Variants in DNAH11 observed in about 807,000 individuals in gnomAD.
The protein encoded by DNAH11 is dynein axonemal heavy chain 11, also known as axonemal beta dynein heavy chain 11.
In DNAH11, 442 loss-of-function variants were observed where a neutral mutation model predicts 526.0. The ratio of observed to expected loss-of-function variants is 0.84; its 90% CI spans 0.78 to 0.91. The LOEUF is 0.91. DNAH11 is among the 40% of genes least tolerant of loss of function. The probability of loss-of-function intolerance (pLI) is 0.00; values close to 1 mark genes in which losing one functional copy is unlikely to be tolerated. For synonymous variants in DNAH11, 2,461 were observed against 1,935.9 expected, an observed-to-expected ratio of 1.27 and a Z score of -7.12; for missense variants, 6,989 against 5,448.7, an observed-to-expected ratio of 1.28 and a Z score of -8.90.
chr7:21,597,803 C>G (rs1473921776), intron 14 of DNAH11, among the ~76,000 whole-genome samples: 2 of 152,174 alleles, frequency 1.3e-5, no homozygotes, highest in South Asian at 2.1e-4. Flanking sequence ...GGAGACTTAA[C>G]AAGATGGTCT....
chr7:21,686,807 T>C (rs1783395447), intron 32 of DNAH11, among the ~76,000 whole-genome samples: 1 of 152,202 alleles, frequency 6.6e-6, no homozygotes, highest in Non-Finnish European at 1.5e-5. Context: ...AGAAATTTAA[T>C]AGTGTTACAA....
At chr7:21,581,829 G>T in intron 8 of DNAH11, 76 bp from the exon 9 acceptor site, 1 of 873,130 alleles carries the variant, frequency 1.1e-6, no homozygotes. Flanking sequence ...GCTAAAGTAA[G>T]GTCACGCTTG....
intron 55 of DNAH11, among the ~76,000 whole-genome samples, chr7:21,772,530 G>T (rs1160389221): frequency 6.6e-6 from 1 of 151,682 alleles, no homozygotes; most frequent in East Asian, 1.9e-4. Context: ...AGTCTCCAAA[G>T]GATTATGATT....
chr7:21,762,999 TAAAATCTGA>T (rs535927171), intron 54 of DNAH11, among the ~76,000 whole-genome samples: 164 of 152,308 alleles, frequency 1.1e-3, no homozygotes, highest in African/African-American at 3.3e-3. Context: ...ATTCACATTT[TAAAATCTGA>T]TTTTAAAATG....
rs751757432 is a variant in DNAH11 at position 21,786,625 on chromosome 7, T to C, written c.9599T>C (p.Val3200Ala). 9 of 1,610,526 alleles carry C rather than the reference T, an allele frequency of 5.6e-6. No individual in the cohort carries two copies. Among genetic ancestry groups the C allele is most frequent in the Non-Finnish European group, 7.6e-6 (9 of 1,177,670 alleles). Residue 3200 changes from valine (V) to alanine (A), a missense_variant and splice_region_variant, in exon 59 of 82, where the codon GTC becomes GCC. Transcript: ENST00000409508. ...GTGTTTCTGTGTGCTTTTCTTCAGG[T>C]CAACCTCAGTGAGCTGAAAGCCTTT... ...ATAALNTLNR[V>A]NLSELKAFPN... is the part of the protein sequence containing the mutation.
At chr7:21,561,459 AT>A (rs1017307565) in intron 5 of DNAH11, 12 of 249,948 alleles carry the variant, frequency 4.8e-5, no homozygotes, top group African/African-American at 2.3e-4. Flanking sequence ...AAAAAAAAAA[AT>A]AAGTCTGGAT....
At chr7:21,713,692 T>A (rs563138399) in intron 42 of DNAH11, among the ~76,000 whole-genome samples, 13 of 152,280 alleles carry the variant, frequency 8.5e-5, no homozygotes, top group Admixed American at 6.5e-4. Context: ...GCCAGATGTC[T>A]AACTGATGTA....
intron 20 of DNAH11, among the ~76,000 whole-genome samples, chr7:21,610,932 T>C (rs940516070): frequency 6.6e-6 from 1 of 152,200 alleles, no homozygotes; most frequent in Non-Finnish European, 1.5e-5. Context: ...CAGAATATAG[T>C]CTGCAAGATA....
intron 30 of DNAH11, among the ~76,000 whole-genome samples, chr7:21,666,212 G>A (rs975846665): frequency 6.6e-5 from 10 of 151,928 alleles, no homozygotes; most frequent in Non-Finnish European, 1.0e-4. Flanking sequence ...TATTAGTATT[G>A]GGATTAAAGG....
chr7:21,605,761 G>T (rs985574516), intron 18 of DNAH11, among the ~76,000 whole-genome samples: 7 of 152,064 alleles, frequency 4.6e-5, no homozygotes, highest in Admixed American at 6.5e-5. Flanking sequence ...ATTTCTAGTT[G>T]TTAGAGATCA....
At chr7:21,553,070 A>ATTTTTTTTTTTTTTTTTTTTTTTTTTTTT (rs35121910) in intron 2 of DNAH11, among the ~76,000 whole-genome samples, 1 of 66,784 alleles carries the variant, frequency 1.5e-5, no homozygotes, top group African/African-American at 7.3e-5. Context: ...TATAAATGGG[A>ATTTTTTTTTTTTTTTTTTTTTTTTTTTTT]TTTTTTTTTT....
chr7:21,663,714 A>G (rs757625652), intron 30 of DNAH11, among the ~76,000 whole-genome samples: 6 of 150,632 alleles, frequency 4.0e-5, no homozygotes, highest in Admixed American at 6.6e-5. Context: ...GCTTATTTCA[A>G]TTCACATAAT....
intron 54 of DNAH11, among the ~76,000 whole-genome samples, chr7:21,758,573 A>C (rs896089924): frequency 5.3e-5 from 8 of 152,306 alleles, no homozygotes; most frequent in African/African-American, 1.7e-4. Flanking sequence ...CAAAAAGTAA[A>C]ATCACAACGA....
chr7:21,655,212 A>G (rs898299984), intron 28 of DNAH11, among the ~76,000 whole-genome samples: 6 of 152,140 alleles, frequency 3.9e-5, no homozygotes, highest in Non-Finnish European at 8.8e-5. Context: ...CTGGAATTAT[A>G]GGTTCATTGT....
chr7:21,782,536 T>C (rs1488489146), intron 57 of DNAH11, among the ~76,000 whole-genome samples: 2 of 152,248 alleles, frequency 1.3e-5, no homozygotes, highest in African/African-American at 4.8e-5. Flanking sequence ...AAGATTGTTT[T>C]GTTTATAAAA....
At chr7:21,663,629 G>A (rs966948684) in intron 30 of DNAH11, among the ~76,000 whole-genome samples, 4 of 151,850 alleles carry the variant, frequency 2.6e-5, no homozygotes, top group African/African-American at 9.7e-5. Flanking sequence ...TTTGAAAAAT[G>A]TTTATTCATG....
chr7:21,725,842 G>C lies in DNAH11; in HGVS notation c.7298G>C (p.Trp2433Ser). Residue 2433 changes from tryptophan to serine, a missense_variant, in exon 45 of 82, where the codon TGG (tryptophan) becomes TCG (serine). Transcript: ENST00000409508. Reference sequence around the variant, plus strand: ...GATTATCAAGCTGACTTCAGTCGGTGGTGGCAGAAAGAGATGAAAGCAGTG... The same window carrying C: ...GATTATCAAGCTGACTTCAGTCGGTCGTGGCAGAAAGAGATGAAAGCAGTG... ...ISDYQADFSRWWQKEMKAVKF... is the reference protein window; with the variant it reads ...ISDYQADFSRSWQKEMKAVKF... 1.2e-6 allele frequency: 2 copies of C among 1,611,920 alleles called. No individual in the cohort carries two copies. Among genetic ancestry groups the C allele is most frequent in the Non-Finnish European group, 1.7e-6 (2 of 1,179,036 alleles).
At chr7:21,711,267 A>G (rs937728405) in intron 41 of DNAH11, among the ~76,000 whole-genome samples, 3 of 152,210 alleles carry the variant, frequency 2.0e-5, no homozygotes, top group Admixed American at 2.0e-4. Context: ...GAGAAGATTT[A>G]GTAACCACCT....
rs377623604 is a variant in DNAH11, at chr7:21,545,150, G to T, written c.495+1G>T. 3.7e-6 allele frequency: 6 copies of T among 1,606,242 alleles called. No individual in the cohort carries two copies. The highest frequency in any genetic ancestry group is 5.1e-6 in the Non-Finnish European group (6 of 1,176,240). On this transcript the variant is annotated splice_donor_variant, in intron 2 of 81. Coordinates refer to ENST00000409508, the MANE Select transcript of DNAH11 (RefSeq NM_001277115.2). LOFTEE classifies it high-confidence loss of function. ...ACATGTATCTGCTTTCCTTGATGAGGTACTGGTCTGTCTTTAATATTTAAA... is the reference window on the plus strand; with the variant it reads ...ACATGTATCTGCTTTCCTTGATGAGTTACTGGTCTGTCTTTAATATTTAAA...
Sources: allele counts gnomAD v4.1 joint callset (sites outside exome capture counted in the v4.1 genomes callset), GRCh38; gene constraint gnomAD v4.1.1; transcripts MANE v1.5; gene names NCBI Gene and HGNC (gene_info 2026-07-23, HGNC 2026-07-21).